MADD: variants seen among roughly 807,000 people sequenced by gnomAD.
The protein encoded by MADD is MAP kinase activating death domain.
Under a neutral mutation model 176.7 loss-of-function variants are expected in MADD, and 109 were observed. The ratio of observed to expected loss-of-function variants is 0.62; its 90% CI spans 0.53 to 0.72. The LOEUF is 0.72. Among genes scored for constraint, MADD ranks in the 30% least tolerant of loss-of-function variants. The pLI, the probability that MADD is intolerant of heterozygous loss-of-function variation, is 0.00. For missense variants in MADD, 1,914 were observed against 2,045.5 expected (o/e 0.94, Z 1.24); for synonymous variants, 771 against 771.3 (o/e 1.00, Z 0.01).
Position 47,319,739 on chromosome 11 carries a change from C to T in MADD, c.4198-3932C>T, listed in dbSNP as rs1238147972. On this transcript the variant is annotated intron_variant, in intron 27 of 32. Coordinates refer to ENST00000402192, the Ensembl canonical transcript of MADD. ...TGGTGGCTCACATGAGCCTGTAATC[C>T]CAGCACATTGGGAGGCCGAGGCAGG... Among the ~76,000 whole-genome samples the T allele has an allele frequency of 8.6e-5, 13 of 151,990 alleles. No homozygotes were observed. In the East Asian group the frequency reaches 2.3e-3, roughly 27 times the overall value.
intron 19 of MADD, 65 bp downstream of exon 20, chr11:47,290,881 A>G (rs2064555319): frequency 7.0e-6 from 9 of 1,293,090 alleles, no homozygotes; most frequent in Non-Finnish European, 7.6e-6. Flanking sequence ...TTTCTCCTCA[A>G]TTCATCCAGA....
chr11:47,299,847 T>A (rs2076270267), intron 22 of MADD, among the ~76,000 whole-genome samples: 1 of 152,148 alleles, frequency 6.6e-6, no homozygotes, highest in East Asian at 1.9e-4. Flanking sequence ...TAGGGACAGT[T>A]TGACTTCCTT....
At chr11:47,271,953 TGG>T (rs1964736673) in intron 1 of MADD, 3 of 152,210 alleles carry the variant, frequency 2.0e-5, no homozygotes, top group Non-Finnish European at 2.9e-5. Flanking sequence ...CGTTAAGCAG[TGG>T]TGATACCTAG....
At chr11:47,317,453 C>T (rs936540784) in intron 27 of MADD, among the ~76,000 whole-genome samples, 3 of 152,188 alleles carry the variant, frequency 2.0e-5, no homozygotes, top group Admixed American at 6.5e-5. Context: ...GAAATTGGAT[C>T]GTTTGCCCTG....
exon 2 of MADD, chr11:47,273,961 T>C: frequency 1.2e-6 from 2 of 1,614,098 alleles, no homozygotes; most frequent in Non-Finnish European, 1.7e-6. Flanking sequence ...GACTATCTAG[T>C]GATCGTAGGG....
intron 22 of MADD, among the ~76,000 whole-genome samples, chr11:47,300,911 A>G (rs772452281): frequency 2.8e-4 from 42 of 151,476 alleles, no homozygotes; most frequent in Non-Finnish European, 5.2e-4. Context: ...ATCCGTTTCT[A>G]ATTTGTTGGC....
At position 47,308,640 on chromosome 11, in the gene MADD, G is replaced by A. The variant is rs752692274; in HGVS notation, c.3692G>A (p.Ser1231Asn). The A allele has an allele frequency of 5.0e-6, 8 of 1,614,040 alleles. No homozygotes were observed. In the Admixed American group the frequency reaches 1.3e-4, roughly 27 times the overall value. The change falls in exon 23 of 33, where the codon AGC (serine) becomes AAC (asparagine). Residue 1231 changes from serine to asparagine, a missense_variant. Physicochemically the swap from Ser to Asn is conservative, Grantham distance 46. This residue lies in a region of MADD where 1,767 missense variants were observed against 1,836.0 expected (regional missense o/e 0.96). Transcript: ENST00000402192. ...AGCATAAAGGAGAAGCTGGCAGGCA[G>A]CCCCATTCGTACTTCTGAAGATGTG...
intron 6 of MADD, 133 bp from the exon 7 acceptor site, chr11:47,278,866 A>G (rs987900734): frequency 1.5e-6 from 1 of 649,522 alleles, no homozygotes; most frequent in African/African-American, 1.8e-5. Flanking sequence ...CATATATCTT[A>G]CTGTGCAGTT....
chr11:47,318,543 C>T (rs1293111981), intron 27 of MADD, among the ~76,000 whole-genome samples: 1 of 152,148 alleles, frequency 6.6e-6, no homozygotes, highest in Non-Finnish European at 1.5e-5. Context: ...AAAAAAATAT[C>T]TCCAGCAGAT....
At chr11:47,297,725 C>CGTGAGCCACTGCTCCCGGCCAAGG (rs1565432602) in intron 22 of MADD, among the ~76,000 whole-genome samples, 1 of 150,864 alleles carries the variant, frequency 6.6e-6, no homozygotes, top group Non-Finnish European at 1.5e-5. Context: ...GGATTACAGG[C>CGTGAGCCACTGCTCCCGGCCAAGG]GTGAGCCACT....
chr11:47,298,906 A>G (rs1170450767), intron 22 of MADD, among the ~76,000 whole-genome samples: 3 of 152,178 alleles, frequency 2.0e-5, no homozygotes, highest in East Asian at 1.9e-4. Context: ...ATGGATATCA[A>G]GTTTTCCGAG....
chr11:47,304,233 CTTT>C (rs757249187), intron 22 of MADD, among the ~76,000 whole-genome samples: 3 of 139,814 alleles, frequency 2.1e-5, no homozygotes, highest in East Asian at 2.0e-4. Context: ...GTATTTTTTC[CTTT>C]TTTTTTTTTT....
At chr11:47,304,208 T>C (rs2080565448) in intron 22 of MADD, among the ~76,000 whole-genome samples, 2 of 151,948 alleles carry the variant, frequency 1.3e-5, no homozygotes, top group Admixed American at 1.3e-4. Context: ...AAGTCTGCTG[T>C]TGTAGTTCTC....
intron 22 of MADD, among the ~76,000 whole-genome samples, chr11:47,307,793 C>T (rs57852039): frequency 0.043 from 6,503 of 152,140 alleles, 178 homozygotes; most frequent in South Asian, 0.12. Flanking sequence ...CTTAGCCTCC[C>T]GAGTAGCTGG....
chr11:47,326,500 A>G, intron 30 of MADD, 44 bp from the exon 34 acceptor site: 1 of 1,346,640 alleles, frequency 7.4e-7, no homozygotes, highest in Non-Finnish European at 9.5e-7. Flanking sequence ...TGACCATTCA[A>G]ACTAACGCCT....
At chr11:47,288,263 T>G (rs929021112) in intron 15 of MADD, among the ~76,000 whole-genome samples, 1 of 152,194 alleles carries the variant, frequency 6.6e-6, no homozygotes, top group Non-Finnish European at 1.5e-5. Context: ...CACTCCAGCC[T>G]GGACGACAGA....
chr11:47,296,743 C>T (rs1019296303), intron 22 of MADD, among the ~76,000 whole-genome samples: 2 of 150,232 alleles, frequency 1.3e-5, no homozygotes, highest in African/African-American at 2.4e-5. Flanking sequence ...TAGTCCTTGC[C>T]GTAGACATCT....
At chr11:47,285,426 T>G in intron 13 of MADD, 25 bp from the exon 14 acceptor site, 1 of 1,613,794 alleles carries the variant, frequency 6.2e-7, no homozygotes, top group Non-Finnish European at 8.5e-7. Flanking sequence ...TGCCTGGGGA[T>G]CATAGGTGCC....
Position 47,289,494 on chromosome 11 carries a change from G to A in MADD, c.2756+1G>A, listed in dbSNP as rs2063412625. ...CCCAGGGTCGATCCAGCAATTCTAG[G>A]TAATAAATGGTAGAGCTGTTTTAAA... On this transcript the variant is annotated splice_donor_variant, in intron 16 of 32. Coordinates refer to ENST00000402192, the Ensembl canonical transcript of MADD. LOFTEE classifies it high-confidence loss of function. 1 of 1,612,806 alleles carries A rather than the reference G, an allele frequency of 6.2e-7. No homozygotes were observed. The highest frequency in any genetic ancestry group is 8.5e-7 in the Non-Finnish European group (1 of 1,178,774).
Sources: gnomAD v4.1 joint callset for allele counts (sites outside exome capture counted in the v4.1 genomes callset) on GRCh38, gnomAD v4.1.1 for gene constraint, gnomAD v4.1.1 regional missense constraint, MANE v1.5 for transcripts, NCBI Gene and HGNC (gene_info 2026-07-23, HGNC 2026-07-21) for gene names.